MSANTD7: variants seen among roughly 807,000 people sequenced by gnomAD.
MSANTD7 encodes zinc finger and SCAN domain containing 29.
the MSANTD7 span, chr10:14,840,067 T>C: frequency 7.6e-7 from 1 of 1,322,302 alleles, no homozygotes; most frequent in Non-Finnish European, 1.0e-6. Context: ...TATTATTTTT[T>C]TTTTCAGATT....
chr10:14,843,678 G>A, the MSANTD7 span: 1 of 1,545,842 alleles, frequency 6.5e-7, no homozygotes, highest in South Asian at 1.2e-5. Context: ...ACAGGCGATT[G>A]GCACGAGAAC....
At chr10:14,842,873 G>A in the MSANTD7 span, 2 of 1,429,002 alleles carry the variant, frequency 1.4e-6, no homozygotes, top group Non-Finnish European at 1.9e-6. This position sits in a 1 kb window ranked among gnomAD's most constrained non-coding sequence, Gnocchi z 5.2. Context: ...TGAAGGAGTT[G>A]GGTCCCAGAG....
the MSANTD7 span, chr10:14,843,824 A>G: frequency 6.5e-7 from 1 of 1,536,438 alleles, no homozygotes; most frequent in East Asian, 2.4e-5. Flanking sequence ...GCAGTGGAAG[A>G]GGCAACTGGT....
the MSANTD7 span, chr10:14,846,687 A>G: frequency 3.1e-6 from 3 of 964,416 alleles, no homozygotes; most frequent in Non-Finnish European, 3.7e-6. Context: ...TGTGAGGATC[A>G]AAGGAACAGA....
the MSANTD7 span, among the ~76,000 whole-genome samples, chr10:14,840,623 T>C: frequency 6.6e-6 from 1 of 152,220 alleles, no homozygotes. Context: ...ATTTAATCAT[T>C]AGAGTAACAG....
chr10:14,846,351 G>C, the MSANTD7 span: 1 of 985,380 alleles, frequency 1.0e-6, no homozygotes, highest in Non-Finnish European at 1.2e-6. Flanking sequence ...TGAGATGAAA[G>C]GAGTGCTGAA....
chr10:14,843,733 G>A, the MSANTD7 span: 1 of 1,537,214 alleles, frequency 6.5e-7, no homozygotes, highest in South Asian at 1.2e-5. Flanking sequence ...GATTGCTATT[G>A]GTGAGGAGGC....
the MSANTD7 span, chr10:14,844,827 G>T: frequency 2.0e-6 from 2 of 985,364 alleles, no homozygotes; most frequent in Non-Finnish European, 2.4e-6. Flanking sequence ...AAACAATTCA[G>T]ATTATATCAG....
chr10:14,842,017 A>T, the MSANTD7 span: 1 of 676,702 alleles, frequency 1.5e-6, no homozygotes, highest in African/African-American at 1.8e-5. The surrounding 1 kb of genome is among the most constrained non-coding windows in gnomAD (Gnocchi z 5.2). Flanking sequence ...AAGTTGGGCT[A>T]TCTCAGTCTT....
the MSANTD7 span, chr10:14,838,523 A>C: frequency 7.5e-6 from 11 of 1,470,382 alleles, no homozygotes; most frequent in Non-Finnish European, 9.2e-6. Context: ...GCGCTGGGTC[A>C]TCCACAGGCT....
the MSANTD7 span, chr10:14,844,975 G>T: frequency 2.0e-6 from 2 of 985,426 alleles, no homozygotes; most frequent in Admixed American, 1.2e-4. Flanking sequence ...GTAGACAGAA[G>T]TTTATGTAGT....
At chr10:14,846,070 A>G in the MSANTD7 span, 3 of 978,776 alleles carry the variant, frequency 3.1e-6, no homozygotes, top group Non-Finnish European at 1.2e-6. Context: ...TGTGGTATTA[A>G]TATTTATTAA....
chr10:14,840,344 TG>T, the MSANTD7 span, among the ~76,000 whole-genome samples: 76 of 152,328 alleles, frequency 5.0e-4, no homozygotes, highest in African/African-American at 1.6e-3. Flanking sequence ...TTCTCTGATA[TG>T]GGATTCACTC....
the MSANTD7 span, chr10:14,845,290 A>G: frequency 1.0e-6 from 1 of 985,430 alleles, no homozygotes; most frequent in Non-Finnish European, 1.2e-6. Flanking sequence ...AAGTTTTCCA[A>G]TAATCTAGAA....
the MSANTD7 span, chr10:14,842,308 G>A: frequency 1.6e-5 from 25 of 1,535,870 alleles, 1 homozygote; most frequent in South Asian, 1.3e-4. The surrounding 1 kb of genome is among the most constrained non-coding windows in gnomAD (Gnocchi z 5.2). Flanking sequence ...ATAGCAGTGC[G>A]GGCATCCGGT....
the MSANTD7 span, chr10:14,844,493 TA>T: frequency 2.6e-6 from 2 of 755,202 alleles, no homozygotes; most frequent in Non-Finnish European, 3.1e-6. Flanking sequence ...TAGACGACTA[TA>T]AGCACAACCT....
At chr10:14,838,680 G>A in the MSANTD7 span, 2 of 511,984 alleles carry the variant, frequency 3.9e-6, no homozygotes, top group African/African-American at 4.1e-5. Flanking sequence ...TCGCGGCGAT[G>A]TAGACGCGCG....
the MSANTD7 span, among the ~76,000 whole-genome samples, chr10:14,839,106 C>T: frequency 1.3e-5 from 2 of 152,302 alleles, no homozygotes; most frequent in East Asian, 3.9e-4. Flanking sequence ...GCGTGGTCTA[C>T]AGAGGTGGCC....
At chr10:14,840,439 T>G in the MSANTD7 span, among the ~76,000 whole-genome samples, 1 of 152,208 alleles carries the variant, frequency 6.6e-6, no homozygotes, top group Non-Finnish European at 1.5e-5. Flanking sequence ...TTAGATTTTT[T>G]TTAACTGAGA....
Sources: allele counts gnomAD v4.1 joint callset (sites outside exome capture counted in the v4.1 genomes callset), GRCh38; gene constraint gnomAD v4.1.1; non-coding constraint Gnocchi (gnomAD v3.1); transcripts MANE v1.5; gene names NCBI Gene and HGNC (gene_info 2026-07-23, HGNC 2026-07-21).